Variants in COLEC10 observed in about 807,000 individuals in gnomAD.
COLEC10 encodes the protein collectin-10.
In COLEC10, 22 loss-of-function variants were observed where a neutral mutation model predicts 28.4. The ratio of observed to expected loss-of-function variants is 0.78; its 90% CI spans 0.55 to 1.11. The LOEUF (loss-of-function observed/expected upper bound fraction) is 1.11. Ranked by LOEUF, COLEC10 falls within the 50% of genes least tolerant of loss-of-function variation. The pLI is 0.00. For missense variants in COLEC10, 361 were observed against 344.1 expected, an observed-to-expected ratio of 1.05 and a Z score of -0.39; for synonymous variants, 125 against 116.1, an observed-to-expected ratio of 1.08 and a Z score of -0.49.
At chr8:119,015,128 T>A (rs1351951) in intron 2 of COLEC10, among the ~76,000 whole-genome samples, 32,851 of 150,850 alleles carry the variant, frequency 0.22, 4,279 homozygotes, top group East Asian at 0.37. Context: ...GTATGCCTTC[T>A]AATTTTTTCT....
chr8:119,105,425 T>G (rs1441025627), intron 5 of COLEC10, among the ~76,000 whole-genome samples: 1 of 152,070 alleles, frequency 6.6e-6, no homozygotes, highest in African/African-American at 2.4e-5. Context: ...TTTCTAGGCA[T>G]AAAAGGCTTG....
Position 119,069,594 on chromosome 8 carries a change from AGACCC to A in COLEC10, c.148+2166_148+2170del, listed in dbSNP as rs1479770737. Among the ~76,000 whole-genome samples, 22 of 101,946 alleles carry A rather than the reference AGACCC, an allele frequency of 2.2e-4. 1 individual carries two copies. Among genetic ancestry groups the A allele is most frequent in the Admixed American group, 1.2e-3 (9 of 7,778 alleles). The allele number at this position is 101,946 out of a possible 152,430, so 66.9% of individuals were successfully genotyped here. On this transcript the variant is annotated intron_variant, in intron 1 of 5. Coordinates refer to ENST00000332843, the MANE Select transcript of COLEC10 (RefSeq NM_006438.5). Reference sequence around the variant, plus strand: ...TCACTCCAGCCTGGACAACAGAGTGAGACCCCATCTCAAAAAAAAAAAAAAAAAAA... The same window carrying A: ...TCACTCCAGCCTGGACAACAGAGTGACATCTCAAAAAAAAAAAAAAAAAAA...
chr8:119,091,786 C>G (rs1223510628), intron 3 of COLEC10, among the ~76,000 whole-genome samples: 1 of 151,978 alleles, frequency 6.6e-6, no homozygotes, highest in Non-Finnish European at 1.5e-5. Flanking sequence ...AAAGAAATAC[C>G]TAGAATAAAA....
Position 119,091,227 on chromosome 8 carries a change from T to G in COLEC10, c.292+7T>G. ...GGGCCCATTGGGAAGAAGGGTAAGT[T>G]GCATCTTACTATTCTCCAGTAGCAA... On this transcript the variant is annotated splice_region_variant and intron_variant, in intron 3 of 5. Coordinates refer to ENST00000332843, the MANE Select transcript of COLEC10 (RefSeq NM_006438.5). 2 of 1,607,528 alleles carry G rather than the reference T, an allele frequency of 1.2e-6. No individual in the cohort carries two copies. The highest frequency in any genetic ancestry group is 1.7e-6 in the Non-Finnish European group (2 of 1,174,800).
At chr8:118,979,569 T>C in the COLEC10 span, among the ~76,000 whole-genome samples, 1 of 152,124 alleles carries the variant, frequency 6.6e-6, no homozygotes, top group Non-Finnish European at 1.5e-5. Context: ...AACATAAAAC[T>C]AATATTTTGT....
In COLEC10 at chr8:119,008,043, T is replaced by C. The variant is rs1813836819; in HGVS notation, n.123-1398T>C. On this transcript the variant is annotated intron_variant and non_coding_transcript_variant, in intron 1 of 6. Coordinates refer to the COLEC10 transcript ENST00000521788. The stretch of plus-strand genomic sequence containing the variant: ...ACTTGATTATTTACATTTTACCATT[T>C]TACTGTTATGACATTAAGTAAGTTT... 1.3e-5 allele frequency among the ~76,000 whole-genome samples: 2 copies of C among 150,992 alleles called. 1 individual carries two copies. Among genetic ancestry groups the C allele is most frequent in the African/African-American group, 5.0e-5 (2 of 40,388 alleles).
At chr8:119,012,611 T>A (rs1167775268) in intron 2 of COLEC10, among the ~76,000 whole-genome samples, 1 of 150,764 alleles carries the variant, frequency 6.6e-6, no homozygotes, top group African/African-American at 2.5e-5. Flanking sequence ...GTGTTTTGTG[T>A]CTTGGAAGGT....
chr8:119,072,479 T>C (rs1476638224), intron 1 of COLEC10, among the ~76,000 whole-genome samples: 1 of 152,152 alleles, frequency 6.6e-6, no homozygotes, highest in African/African-American at 2.4e-5. Context: ...TCATTCCCAT[T>C]GAACAGATGA....
At chr8:118,974,021 G>C in the COLEC10 span, among the ~76,000 whole-genome samples, 1 of 151,760 alleles carries the variant, frequency 6.6e-6, no homozygotes. Context: ...CACTCTGCTT[G>C]GAGCCCTCTT....
chr8:118,998,567 G>A (rs971443460), intron 1 of COLEC10, among the ~76,000 whole-genome samples: 6 of 151,842 alleles, frequency 4.0e-5, no homozygotes, highest in African/African-American at 1.5e-4. Flanking sequence ...GGCCAGGCAT[G>A]GTGGCTCACG....
At chr8:119,004,739 G>T (rs78712798) in intron 1 of COLEC10, among the ~76,000 whole-genome samples, 6,667 of 151,688 alleles carry the variant, frequency 0.044, 214 homozygotes, top group East Asian at 0.16. Context: ...CTAACTTGTA[G>T]TAGGTCACCC....
the COLEC10 span, among the ~76,000 whole-genome samples, chr8:118,963,227 A>C: frequency 6.6e-6 from 1 of 152,234 alleles, no homozygotes; most frequent in South Asian, 2.1e-4. Flanking sequence ...CATTAAGTTT[A>C]GTATTTCGCA....
chr8:118,952,887 G>A, the COLEC10 span, among the ~76,000 whole-genome samples: 1 of 152,190 alleles, frequency 6.6e-6, no homozygotes, highest in African/African-American at 2.4e-5. Flanking sequence ...TCCCATTCAT[G>A]GATTACAGTT....
At chr8:119,102,577 C>T in intron 4 of COLEC10, 176 bp downstream of exon 4, 1 of 559,758 alleles carries the variant, frequency 1.8e-6, no homozygotes. Context: ...TGGTGACTTT[C>T]CAAGCCTTGG....
At chr8:118,960,785 G>C in the COLEC10 span, among the ~76,000 whole-genome samples, 1 of 72,556 alleles carries the variant, frequency 1.4e-5, no homozygotes, top group Non-Finnish European at 2.6e-5. Flanking sequence ...GAGACTCTGT[G>C]AAAAAAAAAA....
At chr8:119,083,824 A>C (rs931616274) in intron 1 of COLEC10, among the ~76,000 whole-genome samples, 2 of 152,160 alleles carry the variant, frequency 1.3e-5, no homozygotes, top group Non-Finnish European at 2.9e-5. Flanking sequence ...ATGTAAGTAT[A>C]AATTATTTAG....
the COLEC10 span, among the ~76,000 whole-genome samples, chr8:118,960,550 T>C: frequency 1.3e-5 from 2 of 152,010 alleles, no homozygotes; most frequent in Non-Finnish European, 2.9e-5. Context: ...TTTGGGAGGC[T>C]GAGGCGGGTG....
At chr8:118,967,041 G>T in the COLEC10 span, among the ~76,000 whole-genome samples, 1 of 152,054 alleles carries the variant, frequency 6.6e-6, no homozygotes, top group Non-Finnish European at 1.5e-5. Flanking sequence ...TTCCTTAAAG[G>T]TAATAATGCA....
chr8:119,045,331 G>A (rs1047320882), intron 2 of COLEC10, among the ~76,000 whole-genome samples: 1 of 152,186 alleles, frequency 6.6e-6, no homozygotes, highest in South Asian at 2.1e-4. Context: ...TCTGCATATA[G>A]GTGTGGAATG....
Sources: gnomAD v4.1 joint callset for allele counts (sites outside exome capture counted in the v4.1 genomes callset) on GRCh38, gnomAD v4.1.1 for gene constraint, MANE v1.5 for transcripts, NCBI Gene and HGNC (gene_info 2026-07-23, HGNC 2026-07-21) for gene names.